VPS25: variants seen among roughly 807,000 people sequenced by gnomAD.
VPS25 encodes vacuolar protein sorting 25 homolog, also known as vacuolar protein-sorting-associated protein 25.
VPS25 carries 21 observed loss-of-function variants against 30.3 expected under a neutral mutation model. The observed-to-expected ratio is 0.69, with a 90% CI of 0.49 to 1.00. The LOEUF is 1.00. VPS25 is among the 50% of genes least tolerant of loss of function. The pLI, the probability that VPS25 is intolerant of heterozygous loss-of-function variation, is 0.00. For synonymous variants in VPS25, 101 were observed against 88.1 expected, an observed-to-expected ratio of 1.15 and a Z score of -0.82; for missense variants, 156 against 217.2, an observed-to-expected ratio of 0.72 and a Z score of 1.77.
chr17:42,775,287 G>T, intron 3 of VPS25, 94 bp from the exon 4 acceptor site: 1 of 902,298 alleles, frequency 1.1e-6, no homozygotes, highest in Non-Finnish European at 1.8e-6. Flanking sequence ...GGCTAGTTTC[G>T]AACTCCTGGG....
Position 42,776,199 on chromosome 17 carries a change from A to C in VPS25, c.343-46A>C, listed in dbSNP as rs1352388918. ...GGAGCTGATGAATTTACTGTCTCCC[A>C]GGAGATTCTTGGTTCTAATTCACTC... is the stretch of plus-strand genomic sequence containing the variant. On this transcript the variant is annotated intron_variant, in intron 4 of 5. Transcript: ENST00000253794. 2.6e-6 allele frequency: 4 copies of C among 1,537,880 alleles called. No homozygotes were observed. The African/African-American group carries it at 4.1e-5, about 16-fold the overall frequency.
At chr17:42,774,025 C>G (rs1258198734) in intron 2 of VPS25, 147 bp downstream of exon 2, 1 of 963,390 alleles carries the variant, frequency 1.0e-6, no homozygotes, top group Non-Finnish European at 1.5e-6. Flanking sequence ...AAATGTGTAG[C>G]TGACATTTTC....
chr17:42,775,297 G>T, intron 3 of VPS25, 84 bp from the exon 4 acceptor site: 2 of 1,035,612 alleles, frequency 1.9e-6, no homozygotes, highest in Non-Finnish European at 1.5e-6. Context: ...GAACTCCTGG[G>T]CTCAAGCAGT....
Position 42,777,237 on chromosome 17 carries a change from G to A in VPS25, c.418+917G>A, listed in dbSNP as rs528937178. 3.0e-4 allele frequency among the ~76,000 whole-genome samples: 46 copies of A among 152,166 alleles called. 1 individual carries two copies. The highest frequency in any genetic ancestry group is 2.4e-3 in the Admixed American group (37 of 15,274). ...CTATCTTAAAAAATAACAATAGGCC[G>A]GGTGCAGTGGCTCACGCCTGTAATC... On this transcript the variant is annotated intron_variant, in intron 5 of 5. Coordinates refer to ENST00000253794, the MANE Select transcript of VPS25 (RefSeq NM_032353.4).
At chr17:42,774,817 AGTCTTCT>A in intron 3 of VPS25, 118 bp downstream of exon 3, 1 of 857,374 alleles carries the variant, frequency 1.2e-6, no homozygotes, top group Non-Finnish European at 1.8e-6. Flanking sequence ...TGAAGGCCAG[AGTCTTCT>A]GTAAAGTAGG....
At chr17:42,775,631 C>T (rs749211612) in intron 4 of VPS25, among the ~76,000 whole-genome samples, 162 bp downstream of exon 4, 20 of 152,186 alleles carry the variant, frequency 1.3e-4, no homozygotes, top group Non-Finnish European at 2.6e-4. Flanking sequence ...CTTTAAGTGA[C>T]TCAATGTCTT....
At chr17:42,773,663 C>T in intron 1 of VPS25, 70 bp from the exon 2 acceptor site, 1 of 1,604,780 alleles carries the variant, frequency 6.2e-7, no homozygotes, top group Middle Eastern at 1.7e-4. Context: ...TACTTTCTTC[C>T]TGAAATGCGT....
chr17:42,777,236 C>G (rs964256086), intron 5 of VPS25, among the ~76,000 whole-genome samples: 2 of 150,482 alleles, frequency 1.3e-5, no homozygotes, highest in African/African-American at 4.9e-5. Flanking sequence ...AACAATAGGC[C>G]GGGTGCAGTG....
Position 42,775,358 on chromosome 17 carries a change from TTTCATAAG to T in VPS25, c.254-21_254-14del. On this transcript the variant is annotated splice_polypyrimidine_tract_variant and intron_variant, in intron 3 of 5. Transcript: ENST00000253794. ...TAAGCCACTGCGCGCCTGGTTATGC[TTTCATAAG>T]TATCTGTTTTACAGGGAACCTCGAG... The T allele has an allele frequency of 6.2e-7, 1 of 1,606,292 alleles. No individual in the cohort carries two copies. The highest frequency in any genetic ancestry group is 8.5e-7 in the Non-Finnish European group (1 of 1,173,416).
Position 42,779,307 on chromosome 17 carries a change from C to G in VPS25, c.*238C>G. The G allele has an allele frequency of 2.1e-6, 1 of 467,952 alleles. No individual in the cohort carries two copies. 29.0% of individuals were successfully genotyped at this position (467,952 alleles called of 1,614,324 possible). On this transcript the variant is annotated 3_prime_UTR_variant, in exon 6 of 6. Coordinates refer to ENST00000253794, the MANE Select transcript of VPS25 (RefSeq NM_032353.4). ...GCTTCTTCTCGCCCTACCTCCTTTC[C>G]CATCCTAGACTGTCCTTGAGCCAGG...
In VPS25 at chr17:42,773,871, G is replaced by A; in HGVS notation, c.192G>A (p.Lys64=). The change falls in exon 2 of 6, where the codon AAG becomes AAA. Residue 64 remains lysine (K), a synonymous_variant. Transcript: ENST00000253794. ...AGAGCCCGCTCTTCAACAACGTCAA[G>A]CTACAGCGTATCCTCCCTCAGGCTC... is the stretch of plus-strand genomic sequence containing the variant. The part of the protein sequence containing the change: ...AQESPLFNNV[K]LQRKLPVESI... 2.5e-6 allele frequency: 4 copies of A among 1,613,110 alleles called. No individual in the cohort carries two copies. The highest frequency in any genetic ancestry group is 2.2e-5 in the South Asian group (2 of 91,074).
At chr17:42,775,550 G>A in intron 4 of VPS25, 81 bp downstream of exon 4, 2 of 1,216,222 alleles carry the variant, frequency 1.6e-6, no homozygotes, top group South Asian at 1.4e-5. Context: ...GATAGCCGGT[G>A]TTCCCAGATC....
rs144509095 is a variant in VPS25 at position 42,776,939 on chromosome 17, C to T, written c.418+619C>T. 1.9e-3 allele frequency among the ~76,000 whole-genome samples: 284 copies of T among 152,330 alleles called. 4 individuals are homozygous for T. The East Asian group carries it at 0.038, about 20-fold the overall frequency. ...GAAAAGTTAAGAATTTCACTTTCAGCTGGGCACAGTGGCTCGTGCCTGTAA... is the reference window on the plus strand; with the variant it reads ...GAAAAGTTAAGAATTTCACTTTCAGTTGGGCACAGTGGCTCGTGCCTGTAA... On this transcript the variant is annotated intron_variant, in intron 5 of 5. Coordinates refer to ENST00000253794, the MANE Select transcript of VPS25 (RefSeq NM_032353.4).
chr17:42,774,348 T>G, intron 2 of VPS25: 1 of 339,558 alleles, frequency 2.9e-6, no homozygotes, highest in Non-Finnish European at 5.3e-6. Flanking sequence ...ACAGTACCTT[T>G]CATTTTCTAA....
chr17:42,775,797 G>T (rs1265791729), intron 4 of VPS25, among the ~76,000 whole-genome samples: 3 of 152,098 alleles, frequency 2.0e-5, no homozygotes, highest in African/African-American at 7.2e-5. Context: ...AAAAACCTGG[G>T]GCCCCTCCCC....
Position 42,775,406 on chromosome 17 carries a change from C to A in VPS25, c.279C>A (p.Ser93Arg). ...GGAACCTCGAGTGGTTGGATAAGAG[C>A]AAGTCCAGCTTCCTGATCATGTGGC... Reference protein sequence around the residue: ...KKGNLEWLDKSKSSFLIMWRR... With the variant: ...KKGNLEWLDKRKSSFLIMWRR... Residue 93 changes from serine (S) to arginine (R), a missense_variant, in exon 4 of 6, where the codon AGC becomes AGA. Coordinates refer to ENST00000253794, the MANE Select transcript of VPS25 (RefSeq NM_032353.4). 1 of 1,614,074 alleles carries A rather than the reference C, an allele frequency of 6.2e-7. No individual in the cohort carries two copies. Among genetic ancestry groups the A allele is most frequent in the Non-Finnish European group, 8.5e-7 (1 of 1,179,962 alleles).
rs2054456335 is a variant in VPS25 at position 42,779,367 on chromosome 17, A to G, written c.*298A>G. The stretch of plus-strand genomic sequence containing the variant: ...CCTGACACTTTATATGTGTTCACAC[A>G]TGTAAGTACATACACACATGCGCCT... On this transcript the variant is annotated 3_prime_UTR_variant, in exon 6 of 6. Transcript: ENST00000253794. 1 of 337,280 alleles carries G rather than the reference A, an allele frequency of 3.0e-6. No individual in the cohort carries two copies. 20.9% of individuals were successfully genotyped at this position (337,280 alleles called of 1,614,324 possible).
rs879689540 is a variant in VPS25, at chr17:42,775,541, A to T, written c.342+72A>T. On this transcript the variant is annotated intron_variant, in intron 4 of 5. Transcript: ENST00000253794. ...GGTTAACTATATTAGGGCCTAGCAG[A>T]TAGCCGGTGTTCCCAGATCCAGACT... The T allele has an allele frequency of 2.2e-5, 29 of 1,293,632 alleles. 1 individual carries two copies. In the Admixed American group the frequency reaches 5.4e-4, roughly 24 times the overall value. The allele number at this position is 1,293,632 out of a possible 1,614,324, so 80.1% of individuals were successfully genotyped here.
chr17:42,778,751 A>C (rs1277399719), intron 5 of VPS25, among the ~76,000 whole-genome samples: 4 of 152,208 alleles, frequency 2.6e-5, no homozygotes, highest in Non-Finnish European at 5.9e-5. Flanking sequence ...GGGGGAAATA[A>C]GCACAAACTC....
Sources: gnomAD v4.1 joint callset for allele counts (sites outside exome capture counted in the v4.1 genomes callset) on GRCh38, gnomAD v4.1.1 for gene constraint, MANE v1.5 for transcripts, NCBI Gene and HGNC (gene_info 2026-07-23, HGNC 2026-07-21) for gene names.